The following PPFIBP1 variants were observed in gnomAD, a reference collection of about 807,000 sequenced individuals.
PPFIBP1 encodes liprin-beta-1.
Under a neutral mutation model 137.8 loss-of-function variants are expected in PPFIBP1, and 112 were observed. The ratio of observed to expected loss-of-function variants is 0.81; its 90% CI spans 0.70 to 0.95. The LOEUF is 0.95. Ranked by LOEUF, PPFIBP1 falls within the 40% of genes least tolerant of loss-of-function variation. The probability of loss-of-function intolerance (pLI) is 0.00; values close to 1 mark genes in which losing one functional copy is unlikely to be tolerated. For synonymous variants in PPFIBP1, 378 were observed against 417.3 expected (o/e 0.91, Z 1.15); for missense variants, 1,083 against 1,196.6 (o/e 0.91, Z 1.40).
At position 27,688,385 on chromosome 12, in the gene PPFIBP1, C is replaced by G; in HGVS notation, c.2458C>G (p.Pro820Ala). 1 of 1,614,056 alleles carries G rather than the reference C, an allele frequency of 6.2e-7. No homozygotes were observed. Among genetic ancestry groups the G allele is most frequent in the Non-Finnish European group, 8.5e-7 (1 of 1,179,990 alleles). The part of the protein sequence containing the change: ...LRSVDLAEYA[P>A]NLRGSGVHGG... Reference sequence around the variant, plus strand: ...CTCCGTGGACTTGGCAGAATATGCGCCCAATCTCAGAGGCAGTGGTGTCCA... The same window carrying G: ...CTCCGTGGACTTGGCAGAATATGCGGCCAATCTCAGAGGCAGTGGTGTCCA... Residue 820 changes from proline to alanine, a missense_variant, in exon 26 of 30, where the codon CCC becomes GCC. By Grantham distance (27) the Pro-to-Ala change is conservative. Transcript: ENST00000228425.
intron 11 of PPFIBP1, among the ~76,000 whole-genome samples, chr12:27,662,647 T>C (rs899034704): frequency 6.6e-6 from 1 of 152,192 alleles, no homozygotes; most frequent in Non-Finnish European, 1.5e-5. Context: ...GAATGGATGG[T>C]TCTCTTAAGG....
In PPFIBP1 at chr12:27,526,742, G is replaced by A. The variant is rs141093363; in HGVS notation, c.-124+2377G>A. ...CTCAGCTACTTGGGAGGCTGAGGCA[G>A]GAGAATCGCTTGAACCCAGGAGGCG... is the stretch of plus-strand genomic sequence containing the variant. On this transcript the variant is annotated intron_variant, in intron 1 of 29. Transcript: ENST00000228425. 4.3e-4 allele frequency among the ~76,000 whole-genome samples: 66 copies of A among 152,276 alleles called. 1 individual carries two copies. Among genetic ancestry groups the A allele is most frequent in the African/African-American group, 1.3e-3 (55 of 41,558 alleles).
chr12:27,600,550 T>C (rs909340947), intron 2 of PPFIBP1, among the ~76,000 whole-genome samples: 6 of 152,156 alleles, frequency 3.9e-5, no homozygotes, highest in African/African-American at 1.4e-4. Context: ...CCATATTTCA[T>C]TGTATCTTTG....
At chr12:27,579,456 G>A (rs2050869558) in intron 2 of PPFIBP1, among the ~76,000 whole-genome samples, 1 of 152,200 alleles carries the variant, frequency 6.6e-6, no homozygotes, top group South Asian at 2.1e-4. Flanking sequence ...TCATGCTCCA[G>A]AAGCAACCGG....
chr12:27,541,459 AG>A (rs573253908), intron 1 of PPFIBP1, among the ~76,000 whole-genome samples: 129 of 152,284 alleles, frequency 8.5e-4, no homozygotes, highest in African/African-American at 2.9e-3. Flanking sequence ...ACACCTGGCA[AG>A]GGGTGTGTTA....
At chr12:27,677,258 T>C in intron 19 of PPFIBP1, 162 bp downstream of exon 19, 1 of 800,212 alleles carries the variant, frequency 1.2e-6, no homozygotes, top group Non-Finnish European at 2.0e-6. Flanking sequence ...AAAAGGACTC[T>C]GTAGAGGCTT....
Position 27,530,320 on chromosome 12 carries a change from C to T in PPFIBP1, c.-124+5955C>T, listed in dbSNP as rs542929189. On this transcript the variant is annotated intron_variant, in intron 1 of 29. Transcript: ENST00000228425. ...TGAGAGGGTGGAAGGGAAACAGTGA[C>T]GACTCACAGGAGACACACTGGTTGA... is the stretch of plus-strand genomic sequence containing the variant. Among the ~76,000 whole-genome samples the T allele has an allele frequency of 5.9e-5, 9 of 152,052 alleles. No homozygotes were observed. In the East Asian group the frequency reaches 1.6e-3, roughly 26 times the overall value.
chr12:27,658,898 C>G (rs201545962), intron 10 of PPFIBP1, 50 bp downstream of exon 10: 1 of 1,531,614 alleles, frequency 6.5e-7, no homozygotes, highest in Admixed American at 1.9e-5. Context: ...AAAAATACTA[C>G]CTTGGACTGT....
intron 1 of PPFIBP1, among the ~76,000 whole-genome samples, chr12:27,564,207 C>T (rs149174519): frequency 6.6e-6 from 1 of 152,288 alleles, no homozygotes; most frequent in East Asian, 1.9e-4. Context: ...ACCTGTGAGA[C>T]AGTGAGAAAT....
At position 27,667,396 on chromosome 12, in the gene PPFIBP1, A is replaced by T. The variant is rs950461458; in HGVS notation, c.1146+76A>T. The T allele has an allele frequency of 1.3e-5, 16 of 1,242,148 alleles. No individual in the cohort carries two copies. The Middle Eastern group carries it at 8.4e-4, about 65-fold the overall frequency. 76.9% of individuals were successfully genotyped at this position (1,242,148 alleles called of 1,614,324 possible). A position where few individuals can be genotyped will look rare whatever the true frequency, so the allele number is the denominator to read the frequency against. Reference sequence around the variant, plus strand: ...GAAAAGTTAAAACACTGCTCATAACATGAAAAACATGGGTTCCTTTCTCAG... The same window carrying T: ...GAAAAGTTAAAACACTGCTCATAACTTGAAAAACATGGGTTCCTTTCTCAG... On this transcript the variant is annotated intron_variant, in intron 13 of 29. Coordinates refer to ENST00000228425, the MANE Select transcript of PPFIBP1 (RefSeq NM_003622.4).
At chr12:27,593,921 G>T in intron 2 of PPFIBP1, 1 of 1,499,826 alleles carries the variant, frequency 6.7e-7, no homozygotes, top group Non-Finnish European at 8.8e-7. Context: ...GTCTTCCCAG[G>T]AGGTTGTGTC....
intron 2 of PPFIBP1, chr12:27,592,462 A>C (rs370991683): frequency 9.7e-7 from 1 of 1,032,730 alleles, no homozygotes. Context: ...ATCTGTCTAT[A>C]TAGGATGTCC....
At chr12:27,571,143 G>T (rs1276910643) in intron 1 of PPFIBP1, among the ~76,000 whole-genome samples, 5 of 152,118 alleles carry the variant, frequency 3.3e-5, no homozygotes, top group Non-Finnish European at 7.3e-5. Context: ...GTCCTTCTGT[G>T]TCATGAATTA....
intron 9 of PPFIBP1, among the ~76,000 whole-genome samples, chr12:27,657,556 A>G (rs2059282730): frequency 6.6e-6 from 1 of 151,558 alleles, no homozygotes; most frequent in Non-Finnish European, 1.5e-5. Flanking sequence ...AACATTAGTA[A>G]CATTGTCTGT....
At chr12:27,570,877 C>T (rs58090769) in intron 1 of PPFIBP1, among the ~76,000 whole-genome samples, 48,050 of 151,714 alleles carry the variant, frequency 0.32, 7,988 homozygotes, top group Middle Eastern at 0.46. Context: ...GGCACCACTG[C>T]ACTCTAGCCT....
chr12:27,680,329 A>T (rs1474482278), intron 21 of PPFIBP1, among the ~76,000 whole-genome samples: 1 of 152,194 alleles, frequency 6.6e-6, no homozygotes, highest in African/African-American at 2.4e-5. Flanking sequence ...AATTTTACGT[A>T]GATGGTAATT....
chr12:27,656,835 GAGC>G, intron 9 of PPFIBP1, 105 bp downstream of exon 9: 1 of 768,734 alleles, frequency 1.3e-6, no homozygotes, highest in Non-Finnish European at 2.2e-6. Context: ...ATCAAAGAAA[GAGC>G]AGCAGAATCC....
chr12:27,652,157 A>C (rs1305397814), intron 7 of PPFIBP1, among the ~76,000 whole-genome samples: 3 of 152,218 alleles, frequency 2.0e-5, no homozygotes, highest in Non-Finnish European at 2.9e-5. Context: ...TGGGTGTTTC[A>C]TGAATCCATA....
At chr12:27,575,749 A>AT (rs1449796290) in intron 1 of PPFIBP1, among the ~76,000 whole-genome samples, 2 of 151,968 alleles carry the variant, frequency 1.3e-5, no homozygotes, top group Non-Finnish European at 2.9e-5. Context: ...ATGGGTTTGG[A>AT]TTTTTTTATG....
Sources: gnomAD v4.1 joint callset for allele counts (sites outside exome capture counted in the v4.1 genomes callset) on GRCh38, gnomAD v4.1.1 for gene constraint, MANE v1.5 for transcripts, NCBI Gene and HGNC (gene_info 2026-07-23, HGNC 2026-07-21) for gene names.